The following KALRN variants were observed in gnomAD, a reference collection of about 807,000 sequenced individuals.
The protein encoded by KALRN is kalirin.
Under a neutral mutation model 353.7 loss-of-function variants are expected in KALRN, and 70 were observed. That is an observed-to-expected ratio of 0.20 (90% CI 0.16 to 0.24). KALRN has a LOEUF of 0.24. KALRN is among the 10% of genes least tolerant of loss of function. KALRN has a pLI of 1.00. For synonymous variants in KALRN, 1,391 were observed against 1,434.8 expected (o/e 0.97, Z 0.69); for missense variants, 2,791 against 3,756.7 (o/e 0.74, Z 6.72).
chr3:124,413,915 G>C (rs1243046298), intron 14 of KALRN, among the ~76,000 whole-genome samples: 2 of 152,098 alleles, frequency 1.3e-5, no homozygotes. Flanking sequence ...AGAGCAGCCT[G>C]GCCAACATGG....
intron 2 of KALRN, among the ~76,000 whole-genome samples, chr3:124,234,484 G>A (rs2079525543): frequency 6.6e-6 from 1 of 152,166 alleles, no homozygotes; most frequent in African/African-American, 2.4e-5. Flanking sequence ...AATAAGAACA[G>A]TTATCACCAT....
At chr3:124,679,544 TC>T in intron 51 of KALRN, 27 bp downstream of exon 51, 1 of 1,585,562 alleles carries the variant, frequency 6.3e-7, no homozygotes, top group Non-Finnish European at 8.7e-7. Context: ...TTGTCCTATT[TC>T]CTACAATGAT....
chr3:124,695,739 C>CTT (rs550754671), intron 53 of KALRN, among the ~76,000 whole-genome samples: 11 of 145,272 alleles, frequency 7.6e-5, no homozygotes, highest in Admixed American at 1.4e-4. Flanking sequence ...TGAGTCTTTC[C>CTT]TTTTTTTTTT....
chr3:124,493,098 C>G, intron 32 of KALRN, among the ~76,000 whole-genome samples: 1 of 152,214 alleles, frequency 6.6e-6, no homozygotes, highest in East Asian at 1.9e-4. Flanking sequence ...ATGATAAACA[C>G]TCTGCTAGGT....
chr3:124,268,786 C>T lies in KALRN; in HGVS notation c.500C>T (p.Pro167Leu), dbSNP rs1360520595. The change falls in exon 5 of 60, where the codon CCC becomes CTC. Residue 167 changes from proline to leucine, a missense_variant. This residue lies in a region of KALRN where 110 missense variants were observed against 204.1 expected (regional missense o/e 0.54). Coordinates refer to ENST00000682506, the MANE Select transcript of KALRN (RefSeq NM_001388419.1). ...GAGGGCCTCACAAAGCTGGTGGACC[C>T]CTCCCAGCTGACGGAGGAGTTTGAT... ...SVEGLTKLVD[P>L]SQLTEEFDGS... is the part of the protein sequence containing the mutation. 6.2e-7 allele frequency: 1 copy of T among 1,613,994 alleles called. No homozygotes were observed. Among genetic ancestry groups the T allele is most frequent in the Admixed American group, 1.7e-5 (1 of 60,014 alleles).
intron 33 of KALRN, among the ~76,000 whole-genome samples, chr3:124,549,935 G>A (rs2070258259): frequency 6.6e-6 from 1 of 152,098 alleles, no homozygotes; most frequent in Non-Finnish European, 1.5e-5. Context: ...GTGGAAGCTG[G>A]GGTTGAAGAA....
At chr3:124,046,983 C>A (rs200054607) in intron 1 of KALRN, among the ~76,000 whole-genome samples, 2 of 116,896 alleles carry the variant, frequency 1.7e-5, no homozygotes, top group African/African-American at 3.1e-5. Flanking sequence ...GGAAATGTAT[C>A]TTTTTTTTTT....
At chr3:124,198,710 T>C (rs1330143748) in intron 1 of KALRN, among the ~76,000 whole-genome samples, 1 of 152,192 alleles carries the variant, frequency 6.6e-6, no homozygotes, top group Admixed American at 6.5e-5. Context: ...TGTGCATGTA[T>C]GTATACATGC....
At position 124,165,584 on chromosome 3, in the gene KALRN, T is replaced by TTGTAGCCTGGAATGCCATGCC. The variant is rs1457713893; in HGVS notation, c.74-62406_74-62405insTGTAGCCTGGAATGCCATGCC. 2.6e-5 allele frequency among the ~76,000 whole-genome samples: 4 copies of TTGTAGCCTGGAATGCCATGCC among 152,346 alleles called. No homozygotes were observed. The East Asian group carries it at 7.7e-4, about 29-fold the overall frequency. On this transcript the variant is annotated intron_variant, in intron 1 of 59. Transcript: ENST00000682506. ...CATTTCACACTGCTCCTTCTTTGCGTCTTCTGTTGTAGCCTGGAATGCCAT... is the reference window on the plus strand; with the variant it reads ...CATTTCACACTGCTCCTTCTTTGCGTTGTAGCCTGGAATGCCATGCCCTTCTGTTGTAGCCTGGAATGCCAT...
intron 34 of KALRN, among the ~76,000 whole-genome samples, chr3:124,602,072 C>T (rs1211765180): frequency 1.3e-5 from 2 of 151,734 alleles, no homozygotes; most frequent in Non-Finnish European, 2.9e-5. Context: ...CTGTTGGCAG[C>T]AACCCATCAG....
Position 124,461,460 on chromosome 3 carries a change from ACT to A in KALRN, c.3855-427_3855-426del, listed in dbSNP as rs563036220. Reference sequence around the variant, plus strand: ...GAACTGTTTTGGTATATATCTACAAACTCTACTGAACAGAAATCTTCATTCTG... The same window carrying A: ...GAACTGTTTTGGTATATATCTACAAACTACTGAACAGAAATCTTCATTCTG... On this transcript the variant is annotated intron_variant, in intron 23 of 59. Coordinates refer to ENST00000682506, the MANE Select transcript of KALRN (RefSeq NM_001388419.1). 1.7e-3 allele frequency among the ~76,000 whole-genome samples: 254 copies of A among 152,080 alleles called. 1 individual carries two copies. The highest frequency in any genetic ancestry group is 5.9e-3 in the African/African-American group (244 of 41,480).
At chr3:124,146,944 C>A (rs1434459512) in intron 1 of KALRN, among the ~76,000 whole-genome samples, 2 of 140,778 alleles carry the variant, frequency 1.4e-5, no homozygotes, top group Non-Finnish European at 3.1e-5. Context: ...AAACCTAGAA[C>A]TTATCCATGA....
intron 51 of KALRN, among the ~76,000 whole-genome samples, chr3:124,685,745 G>A (rs1238256784): frequency 1.3e-5 from 2 of 152,222 alleles, no homozygotes; most frequent in African/African-American, 4.8e-5. Context: ...AGTTGGAAAT[G>A]TCTGAACTGG....
chr3:124,080,505 G>GTT (rs143135639), intron 1 of KALRN, among the ~76,000 whole-genome samples: 1 of 152,246 alleles, frequency 6.6e-6, no homozygotes, highest in East Asian at 1.9e-4. Flanking sequence ...GTGTATGTGT[G>GTT]TTTGAGGTTA....
At chr3:124,171,523 A>G (rs1475168855) in intron 1 of KALRN, among the ~76,000 whole-genome samples, 1 of 152,180 alleles carries the variant, frequency 6.6e-6, no homozygotes, top group Non-Finnish European at 1.5e-5. Flanking sequence ...TGAGGCCTAG[A>G]AGTCACACAG....
Position 124,234,909 on chromosome 3 carries a change from C to T in KALRN, c.229C>T (p.Arg77Trp), listed in dbSNP as rs144465315. 15 of 1,607,486 alleles carry T rather than the reference C, an allele frequency of 9.3e-6. 1 individual carries two copies. The highest frequency in any genetic ancestry group is 8.9e-5 in the South Asian group (8 of 89,700). The part of the protein sequence containing the change: ...NHDRIRQEDL[R>W]KLVTYLASVP... ...TGACAGAATAAGACAGGAAGACCTG[C>T]GGAAACTCGTGACGTATTTGGCCAG... is the stretch of plus-strand genomic sequence containing the variant. The change falls in exon 3 of 60, where the codon CGG becomes TGG. Residue 77 changes from arginine to tryptophan, a missense_variant. By Grantham distance (101) the Arg-to-Trp change is moderately radical. Around this residue, in one of 11 missense-constraint regions of KALRN, gnomAD observed 110 missense variants for 204.1 expected, o/e 0.54. Transcript: ENST00000682506.
At chr3:124,188,060 C>G (rs539921075) in intron 1 of KALRN, among the ~76,000 whole-genome samples, 1 of 152,182 alleles carries the variant, frequency 6.6e-6, no homozygotes, top group South Asian at 2.1e-4. Context: ...ACGTGTGGGC[C>G]CTACTCTAGA....
At chr3:124,085,045 C>T (rs1166629480) in intron 1 of KALRN, among the ~76,000 whole-genome samples, 2 of 152,194 alleles carry the variant, frequency 1.3e-5, no homozygotes, top group Non-Finnish European at 2.9e-5. Flanking sequence ...TACCCTGTGC[C>T]ACCTCCCACC....
chr3:124,637,127 T>C (rs2081434889), intron 36 of KALRN, 81 bp from the exon 37 acceptor site: 3 of 1,179,184 alleles, frequency 2.5e-6, no homozygotes, highest in South Asian at 1.2e-5. Flanking sequence ...GCTTGAGCTT[T>C]GGACTTTCTG....
Sources: gnomAD v4.1 joint callset for allele counts (sites outside exome capture counted in the v4.1 genomes callset) on GRCh38, gnomAD v4.1.1 for gene constraint, gnomAD v4.1.1 regional missense constraint, MANE v1.5 for transcripts, NCBI Gene and HGNC (gene_info 2026-07-23, HGNC 2026-07-21) for gene names.